CCNH: variants seen among roughly 807,000 people sequenced by gnomAD.
The protein encoded by CCNH is cyclin-H.
A neutral mutation model predicts 41.9 loss-of-function variants in CCNH; 31 were observed. The observed-to-expected ratio is 0.74, with a 90% CI of 0.56 to 1.00. The LOEUF (loss-of-function observed/expected upper bound fraction) is 1.00, where lower values mean the gene tolerates loss of function less well. Ranked by LOEUF, CCNH falls within the 50% of genes least tolerant of loss-of-function variation. The pLI, the probability that CCNH is intolerant of heterozygous loss-of-function variation, is 0.00. For missense variants in CCNH, 362 were observed against 388.4 expected, an observed-to-expected ratio of 0.93 and a Z score of 0.57; for synonymous variants, 138 against 136.1, an observed-to-expected ratio of 1.01 and a Z score of -0.10.
intron 9 of CCNH, among the ~76,000 whole-genome samples, chr5:87,320,069 C>A (rs759323617): frequency 6.6e-6 from 1 of 152,140 alleles, no homozygotes; most frequent in Non-Finnish European, 1.5e-5. Context: ...CACAATGCTG[C>A]CAGTCTCTGC....
upstream of CCNH, chr5:87,378,597 A>G: frequency 6.8e-7 from 1 of 1,480,768 alleles, no homozygotes; most frequent in East Asian, 2.4e-5. Context: ...ATAGGTAATA[A>G]TTTGTAGCCA....
At chr5:87,383,678 TAAAAAA>T in intron 9 of CCNH, 6 of 1,319,642 alleles carry the variant, frequency 4.5e-6, no homozygotes, top group Non-Finnish European at 6.3e-6. Context: ...AGGTGTTTTC[TAAAAAA>T]AAAAAAAAAA....
rs1033076986 is a variant in CCNH at position 87,411,545 on chromosome 5, C to G, written c.118-199G>C. On this transcript the variant is annotated intron_variant, in intron 1 of 8. Coordinates refer to ENST00000256897, the MANE Select transcript of CCNH (RefSeq NM_001239.4). Reference sequence around the variant, plus strand: ...ATTTAATAAACTAAAACTGTACCATCATTTCACGACTTTTCGGAATGTCAG... The same window carrying G: ...ATTTAATAAACTAAAACTGTACCATGATTTCACGACTTTTCGGAATGTCAG... Among the ~76,000 whole-genome samples the G allele has an allele frequency of 1.2e-4, 18 of 152,216 alleles. 1 individual carries two copies. Among genetic ancestry groups the G allele is most frequent in the Admixed American group, 9.8e-4 (15 of 15,284 alleles).
chr5:87,369,750 C>A, intron 9 of CCNH: 1 of 1,028,564 alleles, frequency 9.7e-7, no homozygotes, highest in Non-Finnish European at 1.5e-6. Flanking sequence ...GTTTTGGAAG[C>A]TGGTATAAAT....
chr5:87,356,565 G>A (rs1425294609), intron 9 of CCNH, among the ~76,000 whole-genome samples: 1 of 151,930 alleles, frequency 6.6e-6, no homozygotes, highest in Non-Finnish European at 1.5e-5. Flanking sequence ...AATATTTTTT[G>A]TAGAGATAGA....
chr5:87,403,705 C>T (rs1763584798), intron 5 of CCNH, among the ~76,000 whole-genome samples: 1 of 152,154 alleles, frequency 6.6e-6, no homozygotes, highest in Admixed American at 6.5e-5. Flanking sequence ...TCGCTTGAGG[C>T]TGGGAGGTTG....
intron 9 of CCNH, among the ~76,000 whole-genome samples, chr5:87,319,205 T>G (rs1362882820): frequency 6.6e-6 from 1 of 152,190 alleles, no homozygotes; most frequent in African/African-American, 2.4e-5. Context: ...GCCTGCAACT[T>G]TTGCAGGCAC....
At chr5:87,362,461 C>T (rs934262116) in intron 9 of CCNH, 35 of 1,301,800 alleles carry the variant, frequency 2.7e-5, no homozygotes, top group African/African-American at 4.4e-5. Flanking sequence ...GTATTTTAAG[C>T]GCTTTGGCTT....
intron 9 of CCNH, among the ~76,000 whole-genome samples, chr5:87,383,385 A>T (rs1364855810): frequency 6.6e-6 from 1 of 152,174 alleles, no homozygotes; most frequent in East Asian, 1.9e-4. Context: ...TTCTCTAAGT[A>T]TCAAATGACC....
downstream of CCNH, among the ~76,000 whole-genome samples, chr5:87,373,830 A>G (rs1488266775): frequency 6.6e-6 from 1 of 152,128 alleles, no homozygotes; most frequent in Non-Finnish European, 1.5e-5. Context: ...TTATATTAAT[A>G]AAGAATTTTC....
At chr5:87,338,536 A>ATATATATATATATATTTTT in intron 9 of CCNH, among the ~76,000 whole-genome samples, 4 of 85,220 alleles carry the variant, frequency 4.7e-5, no homozygotes, top group East Asian at 4.9e-4. Flanking sequence ...TATATATAAA[A>ATATATATATATATATTTTT]TTTTTTTTTT....
upstream of CCNH, chr5:87,379,725 CTTCT>C (rs1761576899): frequency 1.9e-6 from 3 of 1,610,750 alleles, no homozygotes; most frequent in Admixed American, 1.7e-5. Flanking sequence ...TGATTTATTC[CTTCT>C]TTTAGTTAAG....
At chr5:87,362,395 G>A (rs1760173190) in intron 9 of CCNH, among the ~76,000 whole-genome samples, 2 of 152,128 alleles carry the variant, frequency 1.3e-5, no homozygotes, top group Admixed American at 6.5e-5. Context: ...AAGCATTTCT[G>A]AGAATTTCTT....
chr5:87,372,273 G>C (rs1761004996), downstream of CCNH: 1 of 1,360,780 alleles, frequency 7.3e-7, no homozygotes. Flanking sequence ...ATTTTTATCT[G>C]AACTGTTTTG....
intron 9 of CCNH, among the ~76,000 whole-genome samples, chr5:87,345,264 TAGAA>T (rs1305614004): frequency 6.6e-6 from 1 of 152,202 alleles, no homozygotes; most frequent in Non-Finnish European, 1.5e-5. Flanking sequence ...GAAAACTCTT[TAGAA>T]AGAGATATTG....
downstream of CCNH, chr5:87,392,259 A>G (rs998156779): frequency 2.2e-6 from 1 of 455,938 alleles, no homozygotes; most frequent in African/African-American, 2.0e-5. Flanking sequence ...TCTAATGTAT[A>G]AAATACAGGA....
chr5:87,399,492 T>C lies in CCNH; in HGVS notation c.774A>G (p.Leu258=), dbSNP rs575152313. ...ATCTGGGTGGTTCATACTTCTTTAC[T>C]AAGTTTCTCATGCCTATGTGGATAC... ...LLDIMKSMRN[L]VKKYEPPRSE... is the part of the protein sequence containing the mutation. The change falls in exon 7 of 9, where the codon TTA becomes TTG. Residue 258 remains leucine, a synonymous_variant. Transcript: ENST00000256897. The C allele has an allele frequency of 8.1e-6, 13 of 1,611,350 alleles. No homozygotes were observed. In the South Asian group the frequency reaches 1.3e-4, roughly 16 times the overall value.
intron 9 of CCNH, among the ~76,000 whole-genome samples, chr5:87,341,723 C>CT (rs3840123): frequency 0.13 from 19,483 of 151,066 alleles, 1,571 homozygotes; most frequent in South Asian, 0.26. Context: ...TCAGCAAGGT[C>CT]TTTTTTTTTC....
chr5:87,321,864 C>T (rs537281604), intron 9 of CCNH, among the ~76,000 whole-genome samples: 1 of 152,198 alleles, frequency 6.6e-6, no homozygotes, highest in African/African-American at 2.4e-5. Flanking sequence ...GGCATTATGA[C>T]CCACAGTCAG....
Sources: allele counts gnomAD v4.1 joint callset (sites outside exome capture counted in the v4.1 genomes callset), GRCh38; gene constraint gnomAD v4.1.1; transcripts MANE v1.5; gene names NCBI Gene and HGNC (gene_info 2026-07-23, HGNC 2026-07-21).